NSMCE2: variants seen among roughly 807,000 people sequenced by gnomAD.
NSMCE2 encodes NSE2 SUMO ligase component of SMC5/6 complex, also known as E3 SUMO-protein ligase NSE2.
A neutral mutation model predicts 23.8 loss-of-function variants in NSMCE2; 24 were observed. That is an observed-to-expected ratio of 1.01 (90% CI 0.73 to 1.42). The LOEUF is 1.42. Among genes scored for constraint, NSMCE2 ranks in the 40% most tolerant of loss-of-function variants. The probability of loss-of-function intolerance (pLI) is 0.00; values close to 1 mark genes in which losing one functional copy is unlikely to be tolerated. For missense variants in NSMCE2, 284 were observed against 296.5 expected (o/e 0.96, Z 0.31); for synonymous variants, 92 against 94.1 (o/e 0.98, Z 0.13).
chr8:125,366,926 C>T lies in NSMCE2; in HGVS notation c.*41C>T, dbSNP rs1160377139. 6 of 1,120,566 alleles carry T rather than the reference C, an allele frequency of 5.4e-6. No individual in the cohort carries two copies. Among genetic ancestry groups the T allele is most frequent in the Non-Finnish European group, 8.2e-6 (6 of 731,064 alleles). The allele number at this position is 1,120,566 out of a possible 1,614,324, so 69.4% of individuals were successfully genotyped here. ...TGCAGGGACACCAGCAGCCTACCTC[C>T]TACCCCAGCTGTCTGTTGAGAGCAG... On this transcript the variant is annotated 3_prime_UTR_variant, in exon 8 of 8. Transcript: ENST00000287437.
intron 5 of NSMCE2, among the ~76,000 whole-genome samples, chr8:125,332,459 C>T (rs970906085): frequency 3.3e-5 from 5 of 152,124 alleles, no homozygotes; most frequent in African/African-American, 1.2e-4. Context: ...ATATAGTACT[C>T]GCATCAGAGT....
At chr8:125,209,448 CTTATAT>C (rs1824242298) in intron 5 of NSMCE2, among the ~76,000 whole-genome samples, 1 of 152,032 alleles carries the variant, frequency 6.6e-6, no homozygotes, top group South Asian at 2.1e-4. Context: ...GTTTTAGTTG[CTTATAT>C]TTAAACTATT....
chr8:125,102,665 A>G (rs1447565243), intron 3 of NSMCE2, among the ~76,000 whole-genome samples, 178 bp downstream of exon 3: 3 of 152,314 alleles, frequency 2.0e-5, no homozygotes, highest in South Asian at 2.1e-4. Context: ...AGATTGACTC[A>G]TTCATGTGTG....
chr8:125,153,211 G>A (rs529292085), intron 4 of NSMCE2, among the ~76,000 whole-genome samples: 34 of 151,860 alleles, frequency 2.2e-4, no homozygotes, highest in African/African-American at 7.2e-4. Context: ...CATTATCCTC[G>A]AACAGGGAAG....
chr8:125,105,183 T>C (rs1389220805), intron 3 of NSMCE2, among the ~76,000 whole-genome samples: 1 of 152,232 alleles, frequency 6.6e-6, no homozygotes, highest in Non-Finnish European at 1.5e-5. Flanking sequence ...CAGTCATTCA[T>C]GGCAGGTGGA....
intron 1 of NSMCE2, among the ~76,000 whole-genome samples, chr8:125,093,433 A>T (rs998222454): frequency 1.3e-5 from 2 of 152,206 alleles, no homozygotes. Context: ...TTATGCCTGT[A>T]ATCCCAGCAC....
chr8:125,113,519 A>G (rs1176058878), intron 3 of NSMCE2, among the ~76,000 whole-genome samples: 1 of 152,212 alleles, frequency 6.6e-6, no homozygotes, highest in Non-Finnish European at 1.5e-5. Flanking sequence ...TAAATGGGTA[A>G]AAAGAACAAC....
At chr8:125,113,101 A>G (rs554789849) in intron 3 of NSMCE2, among the ~76,000 whole-genome samples, 37 of 152,108 alleles carry the variant, frequency 2.4e-4, no homozygotes, top group Non-Finnish European at 4.3e-4. Context: ...GAAAAATCCA[A>G]CTTTGAAAAA....
intron 4 of NSMCE2, among the ~76,000 whole-genome samples, chr8:125,165,387 A>G (rs1821827052): frequency 6.6e-6 from 1 of 152,252 alleles, no homozygotes; most frequent in South Asian, 2.1e-4. Context: ...TCGTTCTAAT[A>G]TAAGATGGTA....
chr8:125,243,741 C>T (rs1825849688), intron 5 of NSMCE2, among the ~76,000 whole-genome samples: 1 of 152,112 alleles, frequency 6.6e-6, no homozygotes, highest in Non-Finnish European at 1.5e-5. Flanking sequence ...ATAGTTATCT[C>T]AAAAGAAAGA....
At chr8:125,110,911 T>C (rs1217462860) in intron 3 of NSMCE2, among the ~76,000 whole-genome samples, 9 of 152,062 alleles carry the variant, frequency 5.9e-5, no homozygotes, top group Non-Finnish European at 1.2e-4. Flanking sequence ...TTTCAGGGCC[T>C]TTGTACTGAC....
At chr8:125,310,191 A>G (rs1005058323) in intron 5 of NSMCE2, among the ~76,000 whole-genome samples, 1 of 152,242 alleles carries the variant, frequency 6.6e-6, no homozygotes, top group East Asian at 1.9e-4. Context: ...GGCACCTAGG[A>G]AGACTGACTC....
chr8:125,296,054 G>A (rs1828310976), intron 5 of NSMCE2, among the ~76,000 whole-genome samples: 1 of 152,068 alleles, frequency 6.6e-6, no homozygotes, highest in Non-Finnish European at 1.5e-5. Flanking sequence ...ATTAGCTCTT[G>A]ATTAATTAAA....
chr8:125,189,399 A>G (rs1823247639), intron 5 of NSMCE2, among the ~76,000 whole-genome samples: 1 of 152,248 alleles, frequency 6.6e-6, no homozygotes. Flanking sequence ...TGCAACGAAG[A>G]ACAAAGAAGG....
intron 5 of NSMCE2, among the ~76,000 whole-genome samples, chr8:125,260,888 TG>T (rs1826664154): frequency 6.6e-6 from 1 of 152,050 alleles, no homozygotes; most frequent in Non-Finnish European, 1.5e-5. Context: ...CCTCTCAAAG[TG>T]CTAGGATTAC....
intron 5 of NSMCE2, among the ~76,000 whole-genome samples, chr8:125,220,081 T>G (rs769580791): frequency 6.6e-6 from 1 of 152,176 alleles, no homozygotes. Flanking sequence ...TATTGGCTTT[T>G]TAGATGTATT....
chr8:125,272,227 G>A lies in NSMCE2; in HGVS notation c.419-84992G>A, dbSNP rs1009091074. On this transcript the variant is annotated intron_variant, in intron 5 of 7. Transcript: ENST00000287437. Reference sequence around the variant, plus strand: ...GACGGGGTTTCATTGTGTTAGCCAGGATGGTCTCGATCTCCTGACCTCATG... The same window carrying A: ...GACGGGGTTTCATTGTGTTAGCCAGAATGGTCTCGATCTCCTGACCTCATG... Among the ~76,000 whole-genome samples the A allele has an allele frequency of 2.6e-5, 4 of 151,608 alleles. No individual in the cohort carries two copies. In the East Asian group the frequency reaches 7.7e-4, roughly 29 times the overall value.
intron 5 of NSMCE2, among the ~76,000 whole-genome samples, chr8:125,249,712 C>T (rs1826127249): frequency 6.6e-6 from 1 of 152,154 alleles, no homozygotes; most frequent in African/African-American, 2.4e-5. Flanking sequence ...TTCCTTCAAG[C>T]AAGAATACTC....
In NSMCE2 at chr8:125,308,409, A is replaced by G. The variant is rs550017736; in HGVS notation, c.419-48810A>G. Among the ~76,000 whole-genome samples the G allele has an allele frequency of 7.9e-5, 12 of 152,312 alleles. No homozygotes were observed. In the South Asian group the frequency reaches 2.5e-3, roughly 32 times the overall value. ...CCTCGCCTAATGGTCTTCTTGAGTC[A>G]GAGAAGTCTTTTTCCTTTGACCTTT... On this transcript the variant is annotated intron_variant, in intron 5 of 7. Transcript: ENST00000287437.
Sources: gnomAD v4.1 joint callset for allele counts (sites outside exome capture counted in the v4.1 genomes callset) on GRCh38, gnomAD v4.1.1 for gene constraint, MANE v1.5 for transcripts, NCBI Gene and HGNC (gene_info 2026-07-23, HGNC 2026-07-21) for gene names.